Variants in SLC25A21 observed in about 807,000 individuals in gnomAD.
SLC25A21 encodes mitochondrial 2-oxodicarboxylate carrier.
Under a neutral mutation model 43.8 loss-of-function variants are expected in SLC25A21, and 47 were observed. The observed-to-expected ratio is 1.07, with a 90% CI of 0.85 to 1.37. The LOEUF (loss-of-function observed/expected upper bound fraction) is 1.37. SLC25A21 is among the 40% of genes most tolerant of loss of function. SLC25A21 has a pLI of 0.00. For missense variants in SLC25A21, 352 were observed against 350.2 expected (o/e 1.00, Z -0.04); for synonymous variants, 131 against 121.3 (o/e 1.08, Z -0.52).
At chr14:37,028,018 T>A (rs1961130215) in intron 1 of SLC25A21, among the ~76,000 whole-genome samples, 2 of 152,202 alleles carry the variant, frequency 1.3e-5, no homozygotes, top group Non-Finnish European at 2.9e-5. Flanking sequence ...CTTTAGTATC[T>A]AAACTAAGAA....
intron 6 of SLC25A21, among the ~76,000 whole-genome samples, chr14:36,712,344 C>G (rs1298577490): frequency 1.3e-5 from 2 of 148,714 alleles, no homozygotes; most frequent in Admixed American, 1.3e-4. Flanking sequence ...GGAAACTGTT[C>G]AGTGCTTTTT....
intron 3 of SLC25A21, among the ~76,000 whole-genome samples, chr14:36,761,051 CATCT>C (rs781406324): frequency 1.3e-5 from 2 of 152,208 alleles, no homozygotes; most frequent in Non-Finnish European, 2.9e-5. Context: ...GGCTTAAAAG[CATCT>C]CTTTAATTAC....
chr14:36,938,347 A>T (rs1892476969), intron 1 of SLC25A21, among the ~76,000 whole-genome samples: 1 of 152,042 alleles, frequency 6.6e-6, no homozygotes, highest in Admixed American at 6.5e-5. Flanking sequence ...CTAGGACTCT[A>T]ATTAGGTGGA....
intron 3 of SLC25A21, among the ~76,000 whole-genome samples, chr14:36,775,132 T>C (rs1460456097): frequency 6.6e-6 from 1 of 152,228 alleles, no homozygotes; most frequent in Non-Finnish European, 1.5e-5. Flanking sequence ...GAGAATTCTG[T>C]AATTGCTTAT....
intron 1 of SLC25A21, among the ~76,000 whole-genome samples, chr14:37,057,919 C>T (rs937003135): frequency 5.3e-5 from 8 of 152,162 alleles, no homozygotes; most frequent in Non-Finnish European, 1.2e-4. Flanking sequence ...TCAGCCCCTA[C>T]CTCACAGTAC....
At chr14:36,712,693 A>G (rs771435407) in intron 6 of SLC25A21, among the ~76,000 whole-genome samples, 10 of 152,326 alleles carry the variant, frequency 6.6e-5, no homozygotes, top group Non-Finnish European at 1.5e-4. Flanking sequence ...ACTAATTACA[A>G]TCAATTACAA....
chr14:36,949,423 T>C (rs937569066), intron 1 of SLC25A21, among the ~76,000 whole-genome samples: 1 of 152,218 alleles, frequency 6.6e-6, no homozygotes, highest in Admixed American at 6.5e-5. Context: ...GTGAATACAT[T>C]TGTAAACCAA....
intron 1 of SLC25A21, among the ~76,000 whole-genome samples, chr14:36,999,012 G>A (rs762194616): frequency 7.2e-5 from 11 of 152,072 alleles, no homozygotes; most frequent in Non-Finnish European, 1.3e-4. Flanking sequence ...TCTTACAAAA[G>A]TACACATACT....
chr14:36,993,353 C>A (rs1960304605), intron 1 of SLC25A21, among the ~76,000 whole-genome samples: 1 of 152,122 alleles, frequency 6.6e-6, no homozygotes, highest in East Asian at 1.9e-4. Flanking sequence ...AGTTTTATGG[C>A]TTTAAAAATA....
chr14:36,759,655 T>A (rs1182191466), intron 3 of SLC25A21: 3 of 152,214 alleles, frequency 2.0e-5, no homozygotes, highest in Admixed American at 6.5e-5. Flanking sequence ...ATCACCTGTT[T>A]CCTCCTCACA....
At chr14:36,713,453 G>A (rs1425174565) in intron 6 of SLC25A21, among the ~76,000 whole-genome samples, 3 of 152,168 alleles carry the variant, frequency 2.0e-5, no homozygotes, top group East Asian at 3.9e-4. Flanking sequence ...TGCTGTGTGT[G>A]TATAAGCAAA....
At chr14:37,167,087 G>T (rs1964042371) in intron 1 of SLC25A21, among the ~76,000 whole-genome samples, 1 of 152,146 alleles carries the variant, frequency 6.6e-6, no homozygotes, top group Admixed American at 6.5e-5. Context: ...AGAATTGCCG[G>T]CAGACCTGTT....
At chr14:36,776,037 C>T (rs895741173) in intron 3 of SLC25A21, among the ~76,000 whole-genome samples, 4 of 151,972 alleles carry the variant, frequency 2.6e-5, no homozygotes, top group African/African-American at 7.3e-5. Flanking sequence ...ATAATACCTG[C>T]TTTTCAACCT....
intron 1 of SLC25A21, among the ~76,000 whole-genome samples, chr14:37,122,018 C>T (rs901270958): frequency 2.4e-4 from 37 of 152,200 alleles, no homozygotes; most frequent in African/African-American, 8.7e-4. Flanking sequence ...TTTTATATAA[C>T]ATTTTTATTT....
At chr14:36,681,485 A>G (rs1163372030) in intron 9 of SLC25A21, among the ~76,000 whole-genome samples, 1 of 152,254 alleles carries the variant, frequency 6.6e-6, no homozygotes, top group Non-Finnish European at 1.5e-5. Context: ...CACTGGGAGA[A>G]GCATTTGTAC....
intron 1 of SLC25A21, among the ~76,000 whole-genome samples, chr14:37,010,487 CA>C (rs1033862450): frequency 3.0e-4 from 45 of 152,126 alleles, no homozygotes; most frequent in Admixed American, 2.5e-3. Context: ...GTGTAACTGC[CA>C]CTAAACAGCA....
At chr14:36,947,168 A>G (rs1027016581) in intron 1 of SLC25A21, among the ~76,000 whole-genome samples, 1 of 152,202 alleles carries the variant, frequency 6.6e-6, no homozygotes, top group Non-Finnish European at 1.5e-5. Flanking sequence ...ATCTACCTGC[A>G]TAGTTCAGCT....
chr14:36,876,598 GT>G (rs35977509), intron 1 of SLC25A21, among the ~76,000 whole-genome samples: 66,752 of 151,714 alleles, frequency 0.44, 16,031 homozygotes, highest in Non-Finnish European at 0.52. Flanking sequence ...CTTGCTAACT[GT>G]TAAGGTCTCC....
intron 2 of SLC25A21, among the ~76,000 whole-genome samples, chr14:36,847,748 AC>A (rs1203824565): frequency 5.3e-5 from 8 of 152,214 alleles, no homozygotes; most frequent in African/African-American, 1.9e-4. Context: ...CTGGGGGTAA[AC>A]AGCTATGAGG....
Sources: allele counts gnomAD v4.1 joint callset (sites outside exome capture counted in the v4.1 genomes callset), GRCh38; gene constraint gnomAD v4.1.1; transcripts MANE v1.5; gene names NCBI Gene and HGNC (gene_info 2026-07-23, HGNC 2026-07-21).